NEK10: variants seen among roughly 807,000 people sequenced by gnomAD.
The protein encoded by NEK10 is NIMA related kinase 10, also known as serine/threonine-protein kinase Nek10.
Under a neutral mutation model 159.8 loss-of-function variants are expected in NEK10, and 122 were observed. The ratio of observed to expected loss-of-function variants is 0.76; its 90% CI spans 0.66 to 0.89. The LOEUF is 0.89. NEK10 is among the 40% of genes least tolerant of loss of function. The pLI is 0.00. For missense variants in NEK10, 1,342 were observed against 1,323.1 expected (o/e 1.01, Z -0.22); for synonymous variants, 466 against 457.1 (o/e 1.02, Z -0.25).
At chr3:27,338,245 C>A (rs890321751) in intron 5 of NEK10, among the ~76,000 whole-genome samples, 1 of 152,134 alleles carries the variant, frequency 6.6e-6, no homozygotes, top group Non-Finnish European at 1.5e-5. Context: ...GCTTCATCCA[C>A]GTCCCTGCAA....
intron 32 of NEK10, among the ~76,000 whole-genome samples, chr3:27,122,525 G>A (rs992669325): frequency 3.9e-5 from 6 of 152,110 alleles, no homozygotes; most frequent in South Asian, 2.1e-4. Context: ...AGGTAGCCCT[G>A]AGCATTCTGT....
intron 29 of NEK10, among the ~76,000 whole-genome samples, chr3:27,168,126 A>G (rs1559543559): frequency 6.6e-6 from 1 of 152,166 alleles, no homozygotes; most frequent in Non-Finnish European, 1.5e-5. Flanking sequence ...CTGTGGTCAG[A>G]ACAGGTATGT....
rs761440659 is a variant in NEK10 at position 27,119,883 on chromosome 3, G to C, written c.3082-15C>G. 2.5e-5 allele frequency: 39 copies of C among 1,586,304 alleles called. 1 individual carries two copies. The highest frequency in any genetic ancestry group is 1.7e-5 in the Admixed American group (1 of 59,934). The stretch of plus-strand genomic sequence containing the variant: ...CCCTGAGATAACTGAAATAGAAAAA[G>C]CAAAATCACATCTTAGTTTACACTC... On this transcript the variant is annotated splice_polypyrimidine_tract_variant and intron_variant, in intron 32 of 35. Coordinates refer to ENST00000691995, the MANE Select transcript of NEK10 (RefSeq NM_001394966.1).
intron 20 of NEK10, among the ~76,000 whole-genome samples, chr3:27,285,655 A>C (rs779490200): frequency 2.0e-5 from 3 of 152,192 alleles, no homozygotes; most frequent in Non-Finnish European, 4.4e-5. Context: ...AAAGGAGCAA[A>C]TTCTACTTCC....
intron 8 of NEK10, 192 bp downstream of exon 8, chr3:27,311,907 T>C (rs1488055467): frequency 1.8e-6 from 1 of 541,518 alleles, no homozygotes; most frequent in African/African-American, 1.9e-5. Flanking sequence ...AAGGTAAAGG[T>C]TGTAATCTAA....
intron 23 of NEK10, among the ~76,000 whole-genome samples, chr3:27,204,445 G>A (rs1950343011): frequency 9.2e-6 from 1 of 108,790 alleles, no homozygotes; most frequent in Admixed American, 9.5e-5. Context: ...ATCTCCCAAT[G>A]CTATCCCTCC....
chr3:27,338,100 C>T (rs766544828), intron 5 of NEK10, among the ~76,000 whole-genome samples: 30 of 152,242 alleles, frequency 2.0e-4, no homozygotes, highest in South Asian at 4.1e-4. Flanking sequence ...TCCCAGCCCC[C>T]CAACAGGCTC....
chr3:27,179,156 A>G (rs1947815075), intron 26 of NEK10, among the ~76,000 whole-genome samples: 2 of 152,194 alleles, frequency 1.3e-5, no homozygotes, highest in Admixed American at 6.5e-5. Context: ...CATACAGTTA[A>G]GAGAGCAATA....
rs145198815 is a variant in NEK10 at position 27,170,255 on chromosome 3, G to A, written c.2831+1564C>T. 3.4e-4 allele frequency among the ~76,000 whole-genome samples: 52 copies of A among 152,274 alleles called. No homozygotes were observed. The East Asian group carries it at 9.7e-3, about 28-fold the overall frequency. On this transcript the variant is annotated intron_variant, in intron 29 of 35. Transcript: ENST00000691995. ...CCCACAGCTCTGAAGAGCCCTGCCT[G>A]GCATCACCACTTATATGTGGCCCAA...
intron 1 of NEK10, among the ~76,000 whole-genome samples, chr3:27,361,517 T>C (rs1333632397): frequency 6.6e-6 from 1 of 152,228 alleles, no homozygotes; most frequent in East Asian, 1.9e-4. Context: ...TTCTATTTCC[T>C]GATTTTGTGA....
At position 27,131,862 on chromosome 3, in the gene NEK10, A is replaced by G. The variant is rs769881155; in HGVS notation, c.3081+18T>C. The G allele has an allele frequency of 2.2e-6, 3 of 1,366,742 alleles. No homozygotes were observed. The highest frequency in any genetic ancestry group is 2.3e-5 in the East Asian group (1 of 43,560). The allele number at this position is 1,366,742 out of a possible 1,614,324, so 84.7% of individuals were successfully genotyped here. A position where few individuals can be genotyped will look rare whatever the true frequency, so the allele number is the denominator to read the frequency against. On this transcript the variant is annotated intron_variant, in intron 32 of 35. Coordinates refer to ENST00000691995, the MANE Select transcript of NEK10 (RefSeq NM_001394966.1). ...TGGTTTTGTCAGCAAAAGAATTCCT[A>G]TATATAGAATACCATACCTTTTTAA...
chr3:27,308,887 G>T, intron 10 of NEK10, 39 bp downstream of exon 10: 1 of 977,746 alleles, frequency 1.0e-6, no homozygotes, highest in Non-Finnish European at 1.6e-6. Flanking sequence ...AATTGCTATA[G>T]TAGCAGAACT....
chr3:27,191,381 T>C (rs184841109), intron 26 of NEK10, among the ~76,000 whole-genome samples: 40 of 151,516 alleles, frequency 2.6e-4, no homozygotes, highest in Non-Finnish European at 5.0e-4. Context: ...AGAACACTGA[T>C]TGTGATTGCA....
chr3:27,309,873 TC>T (rs1485928925), intron 9 of NEK10: 2 of 152,200 alleles, frequency 1.3e-5, no homozygotes, highest in African/African-American at 4.8e-5. Flanking sequence ...TCACTGATGC[TC>T]CCAAGCATCA....
At chr3:27,367,910 G>A (rs530621845) in intron 1 of NEK10, among the ~76,000 whole-genome samples, 1 of 152,204 alleles carries the variant, frequency 6.6e-6, no homozygotes, top group Non-Finnish European at 1.5e-5. Context: ...ACTGCTGATA[G>A]AAGGCCTAAC....
At chr3:27,357,999 G>A (rs1157577641) in intron 1 of NEK10, among the ~76,000 whole-genome samples, 1 of 152,150 alleles carries the variant, frequency 6.6e-6, no homozygotes, top group Non-Finnish European at 1.5e-5. Context: ...GGATTCTATT[G>A]CTAAAATAAA....
intron 32 of NEK10, among the ~76,000 whole-genome samples, chr3:27,129,063 T>A (rs1942307208): frequency 6.6e-6 from 1 of 152,160 alleles, no homozygotes; most frequent in Admixed American, 6.6e-5. Flanking sequence ...CTTGCTTCTG[T>A]TTCCCCTTTC....
intron 26 of NEK10, among the ~76,000 whole-genome samples, chr3:27,185,889 A>AAAAAC: frequency 6.6e-6 from 1 of 152,342 alleles, no homozygotes; most frequent in East Asian, 1.9e-4. Flanking sequence ...GATATAATGC[A>AAAAAC]AGATACTGAG....
chr3:27,138,910 G>C (rs1943499974), intron 31 of NEK10, among the ~76,000 whole-genome samples: 1 of 152,194 alleles, frequency 6.6e-6, no homozygotes, highest in Admixed American at 6.5e-5. Flanking sequence ...AGAACACAAG[G>C]ACTATGGCAC....
Sources: gnomAD v4.1 joint callset for allele counts (sites outside exome capture counted in the v4.1 genomes callset) on GRCh38, gnomAD v4.1.1 for gene constraint, MANE v1.5 for transcripts, NCBI Gene and HGNC (gene_info 2026-07-23, HGNC 2026-07-21) for gene names.